The following KCNMB2 variants were observed in gnomAD, a reference collection of about 807,000 sequenced individuals.
KCNMB2 encodes calcium-activated potassium channel subunit beta-2.
In KCNMB2, 9 loss-of-function variants were observed where a neutral mutation model predicts 24.5. The ratio of observed to expected loss-of-function variants is 0.37; its 90% confidence interval spans 0.22 to 0.64. KCNMB2 has a LOEUF of 0.64. Ranked by LOEUF, KCNMB2 falls within the 30% of genes least tolerant of loss-of-function variation. The pLI, the probability that KCNMB2 is intolerant of heterozygous loss-of-function variation, is 0.63. For synonymous variants in KCNMB2, 109 were observed against 104.4 expected (o/e 1.04, Z -0.27); for missense variants, 226 against 284.3 (o/e 0.79, Z 1.47).
At chr3:178,740,202 T>G (rs1723450074) in intron 1 of KCNMB2, among the ~76,000 whole-genome samples, 1 of 151,942 alleles carries the variant, frequency 6.6e-6, no homozygotes. Flanking sequence ...CACTGTAAGC[T>G]CTGCCTCCTG....
chr3:178,646,336 T>C (rs1055469981), intron 1 of KCNMB2, among the ~76,000 whole-genome samples: 43 of 152,094 alleles, frequency 2.8e-4, no homozygotes, highest in Admixed American at 2.8e-3. Flanking sequence ...ATGACAAAGG[T>C]TTTGATGAAT....
intron 1 of KCNMB2, among the ~76,000 whole-genome samples, chr3:178,650,345 G>A (rs4318567): frequency 0.35 from 52,687 of 151,890 alleles, 9,620 homozygotes; most frequent in African/African-American, 0.46. Flanking sequence ...GAGTTCTGTA[G>A]ATGTCTATTA....
chr3:178,668,606 C>T lies in KCNMB2; in HGVS notation c.-68+131895C>T, dbSNP rs115522554. ...CATGAAGTAATGAATCTCTTCCCTA[C>T]GAGGTCCTAAAGTTACGGATCTGTG... On this transcript the variant is annotated intron_variant, in intron 1 of 4. Coordinates refer to ENST00000452583, the MANE Select transcript of KCNMB2 (RefSeq NM_181361.3). 7.6e-3 allele frequency among the ~76,000 whole-genome samples: 1,156 copies of T among 152,174 alleles called. 15 individuals are homozygous for T. Among genetic ancestry groups the T allele is most frequent in the African/African-American group, 0.027 (1,120 of 41,534 alleles).
chr3:178,586,737 G>C (rs555779886), intron 1 of KCNMB2, among the ~76,000 whole-genome samples: 2 of 151,622 alleles, frequency 1.3e-5, no homozygotes, highest in African/African-American at 4.8e-5. Flanking sequence ...TAGAGACAGG[G>C]TTTCACCGTG....
chr3:178,607,147 T>TCTTAAGAGGAATTC (rs1490588685), intron 1 of KCNMB2, among the ~76,000 whole-genome samples: 1 of 152,192 alleles, frequency 6.6e-6, no homozygotes, highest in East Asian at 1.9e-4. Flanking sequence ...AGCATATTCC[T>TCTTAAGAGGAATTC]CTTAAAGAGA....
At chr3:178,603,404 T>C (rs533142387) in intron 1 of KCNMB2, among the ~76,000 whole-genome samples, 2 of 151,496 alleles carry the variant, frequency 1.3e-5, no homozygotes, top group East Asian at 3.9e-4. Flanking sequence ...AGAGAGAACA[T>C]GTAGATAAAA....
chr3:178,724,274 T>C (rs1230300675), intron 1 of KCNMB2, among the ~76,000 whole-genome samples: 3 of 152,028 alleles, frequency 2.0e-5, no homozygotes, highest in Middle Eastern at 6.8e-3. Context: ...TGAGCATTTT[T>C]TCACATGTTT....
At chr3:178,767,834 T>C (rs1031422747) in intron 1 of KCNMB2, among the ~76,000 whole-genome samples, 3 of 152,260 alleles carry the variant, frequency 2.0e-5, no homozygotes, top group African/African-American at 7.2e-5. Flanking sequence ...GGCTGAGGGT[T>C]TTATGTAGAT....
intron 1 of KCNMB2, among the ~76,000 whole-genome samples, chr3:178,606,473 C>CTT (rs56897838): frequency 4.3e-5 from 6 of 139,034 alleles, no homozygotes; most frequent in Admixed American, 4.3e-4. Flanking sequence ...TTTCCTATTT[C>CTT]TTTTTTTTTT....
chr3:178,811,151 A>C (rs1714176757), intron 2 of KCNMB2, among the ~76,000 whole-genome samples: 1 of 152,174 alleles, frequency 6.6e-6, no homozygotes, highest in Non-Finnish European at 1.5e-5. Flanking sequence ...CTGTTTATCA[A>C]ATATTCTTTA....
chr3:178,590,492 T>A lies in KCNMB2; in HGVS notation c.-68+53781T>A, dbSNP rs150174822. Reference sequence around the variant, plus strand: ...AACATATAACATAATTGCATTAACTTTTTTAAAAAATTAAGGGAAAAAATC... The same window carrying A: ...AACATATAACATAATTGCATTAACTATTTTAAAAAATTAAGGGAAAAAATC... On this transcript the variant is annotated intron_variant, in intron 1 of 4. Transcript: ENST00000452583. 4.4e-3 allele frequency among the ~76,000 whole-genome samples: 668 copies of A among 152,304 alleles called. 5 individuals are homozygous for A. The highest frequency in any genetic ancestry group is 0.015 in the African/African-American group (639 of 41,564).
intron 1 of KCNMB2, among the ~76,000 whole-genome samples, chr3:178,676,142 C>G (rs1327189506): frequency 6.6e-6 from 1 of 152,080 alleles, no homozygotes; most frequent in Non-Finnish European, 1.5e-5. Context: ...AGAGAAAGCA[C>G]CCAGGCCTGG....
intron 1 of KCNMB2, among the ~76,000 whole-genome samples, chr3:178,650,406 T>C (rs980959143): frequency 2.0e-5 from 3 of 152,168 alleles, no homozygotes; most frequent in Non-Finnish European, 2.9e-5. Flanking sequence ...TAATTTTCTG[T>C]CTCGATGATC....
Position 178,683,349 on chromosome 3 carries a change from T to C in KCNMB2, c.-67-123994T>C, listed in dbSNP as rs1191947843. ...GGCACAGAGAGGGGAGGGAGACAAGTCTCAAAAAAACTAACTGTTGGGCAC... is the reference window on the plus strand; with the variant it reads ...GGCACAGAGAGGGGAGGGAGACAAGCCTCAAAAAAACTAACTGTTGGGCAC... On this transcript the variant is annotated intron_variant, in intron 1 of 4. Coordinates refer to ENST00000452583, the MANE Select transcript of KCNMB2 (RefSeq NM_181361.3). Among the ~76,000 whole-genome samples, 11 of 150,668 alleles carry C rather than the reference T, an allele frequency of 7.3e-5. No homozygotes were observed. The Admixed American group carries it at 7.3e-4, about 10-fold the overall frequency.
chr3:178,702,779 G>C (rs1035315885), intron 1 of KCNMB2, among the ~76,000 whole-genome samples: 1 of 144,944 alleles, frequency 6.9e-6, no homozygotes. Context: ...CATGGAAGCA[G>C]GTGGAGTTAG....
At chr3:178,754,750 C>T (rs1352763061) in intron 1 of KCNMB2, among the ~76,000 whole-genome samples, 1 of 152,186 alleles carries the variant, frequency 6.6e-6, no homozygotes, top group African/African-American at 2.4e-5. Flanking sequence ...CTCAAGGTCA[C>T]ACTACTGTAG....
At chr3:178,757,877 G>C (rs1439553861) in intron 1 of KCNMB2, among the ~76,000 whole-genome samples, 2 of 114,428 alleles carry the variant, frequency 1.7e-5, no homozygotes, top group Non-Finnish European at 3.6e-5. Flanking sequence ...ATATATCCAA[G>C]AGGATACATA....
chr3:178,828,925 CTGTGTGTGTGTGTGTG>C (rs71181254), intron 4 of KCNMB2, among the ~76,000 whole-genome samples: 2,028 of 142,796 alleles, frequency 0.014, 21 homozygotes, highest in Middle Eastern at 0.028. Flanking sequence ...CCCATGGTCA[CTGTGTGTGTGTGTGTG>C]TGTGTGTGTG....
At chr3:178,817,702 T>A (rs1714463617) in intron 2 of KCNMB2, among the ~76,000 whole-genome samples, 1 of 152,056 alleles carries the variant, frequency 6.6e-6, no homozygotes. Context: ...AGTACTAAAT[T>A]TGTTGGTGGT....
Sources: allele counts gnomAD v4.1 joint callset (sites outside exome capture counted in the v4.1 genomes callset), GRCh38; gene constraint gnomAD v4.1.1; transcripts MANE v1.5; gene names NCBI Gene and HGNC (gene_info 2026-07-23, HGNC 2026-07-21).